The following PAG1 variants were observed in gnomAD, a reference collection of about 807,000 sequenced individuals.
PAG1 encodes the protein phosphoprotein membrane anchor with glycosphingolipid microdomains 1, also known as phosphoprotein associated with glycosphingolipid-enriched microdomains 1.
A neutral mutation model predicts 31.7 loss-of-function variants in PAG1; 23 were observed. The observed-to-expected ratio is 0.73, with a 90% confidence interval of 0.52 to 1.03. PAG1 has a LOEUF of 1.03. PAG1 is among the 50% of genes least tolerant of loss of function. PAG1 has a pLI of 0.00. For synonymous variants in PAG1, 214 were observed against 210.3 expected, an observed-to-expected ratio of 1.02 and a Z score of -0.15; for missense variants, 473 against 540.7, an observed-to-expected ratio of 0.87 and a Z score of 1.24.
chr8:81,109,182 T>G (rs182484925), intron 1 of PAG1, among the ~76,000 whole-genome samples: 293 of 152,376 alleles, frequency 1.9e-3, no homozygotes, highest in Middle Eastern at 0.01. Context: ...TTAGGAGGTA[T>G]GGAAGCATGG....
chr8:80,994,728 A>C (rs1022507748), intron 3 of PAG1, among the ~76,000 whole-genome samples: 1 of 152,212 alleles, frequency 6.6e-6, no homozygotes, highest in African/African-American at 2.4e-5. Context: ...TGTGTGAAAT[A>C]TTTTAAGAGC....
intron 1 of PAG1, among the ~76,000 whole-genome samples, chr8:81,093,497 C>A (rs1809480045): frequency 6.6e-6 from 1 of 152,060 alleles, no homozygotes; most frequent in Non-Finnish European, 1.5e-5. Context: ...CTTAAAATTG[C>A]AGTTAACTGT....
At chr8:81,061,686 G>A (rs1563647228) in intron 2 of PAG1, among the ~76,000 whole-genome samples, 1 of 152,110 alleles carries the variant, frequency 6.6e-6, no homozygotes, top group Non-Finnish European at 1.5e-5. Context: ...AAACAGATGG[G>A]GTCTTAGCAC....
Position 81,053,891 on chromosome 8 carries a change from C to G in PAG1, c.-175+16221G>C, listed in dbSNP as rs1273945611. Among the ~76,000 whole-genome samples the G allele has an allele frequency of 5.3e-5, 8 of 152,142 alleles. 1 individual carries two copies. The stretch of plus-strand genomic sequence containing the variant: ...TGAGCAAGATCAGGGTATGCGAATG[C>G]TTTCTGTAAAGGGCCAGAGAGTAAA... On this transcript the variant is annotated intron_variant, in intron 2 of 8. Coordinates refer to ENST00000220597, the MANE Select transcript of PAG1 (RefSeq NM_018440.4).
intron 1 of PAG1, among the ~76,000 whole-genome samples, chr8:81,083,838 C>CA (rs199816227): frequency 0.032 from 4,760 of 149,824 alleles, 257 homozygotes; most frequent in African/African-American, 0.11. Flanking sequence ...AGTTCAAGAT[C>CA]AGCCTGGCCA....
chr8:81,071,968 C>T (rs754797519), intron 1 of PAG1, among the ~76,000 whole-genome samples: 11 of 152,158 alleles, frequency 7.2e-5, no homozygotes, highest in Non-Finnish European at 1.0e-4. Flanking sequence ...CTGAGTCCTC[C>T]GTGCTTCTGC....
intron 3 of PAG1, among the ~76,000 whole-genome samples, chr8:81,002,368 T>C (rs1038878410): frequency 6.6e-6 from 1 of 152,272 alleles, no homozygotes; most frequent in African/African-American, 2.4e-5. Flanking sequence ...TTAGCACTTG[T>C]TTAGCCTGGG....
intron 3 of PAG1, among the ~76,000 whole-genome samples, chr8:81,001,500 G>C (rs1410762170): frequency 6.6e-6 from 1 of 152,174 alleles, no homozygotes; most frequent in Non-Finnish European, 1.5e-5. Context: ...GCCAGGGTAG[G>C]TTGGTCTCCA....
chr8:80,978,121 T>C (rs1371629797), intron 8 of PAG1, among the ~76,000 whole-genome samples: 1 of 152,136 alleles, frequency 6.6e-6, no homozygotes, highest in Non-Finnish European at 1.5e-5. Context: ...TGCTAACTGG[T>C]CATTTGCATG....
chr8:81,060,307 A>G (rs1479245059), intron 2 of PAG1, among the ~76,000 whole-genome samples: 2 of 152,230 alleles, frequency 1.3e-5, no homozygotes, highest in African/African-American at 4.8e-5. Context: ...ATGTGTAACT[A>G]TTAATTAGTA....
At chr8:81,014,181 T>A (rs1808033349) in intron 3 of PAG1, among the ~76,000 whole-genome samples, 1 of 152,156 alleles carries the variant, frequency 6.6e-6, no homozygotes, top group Non-Finnish European at 1.5e-5. Flanking sequence ...GTCATCAAAT[T>A]TAGAATATCA....
chr8:81,055,760 T>C (rs1808809427), intron 2 of PAG1, among the ~76,000 whole-genome samples: 1 of 152,226 alleles, frequency 6.6e-6, no homozygotes, highest in South Asian at 2.1e-4. Flanking sequence ...TCTCTGTTTG[T>C]CTGTTATTGG....
intron 2 of PAG1, among the ~76,000 whole-genome samples, chr8:81,046,023 T>C (rs1029674803): frequency 6.6e-6 from 1 of 152,208 alleles, no homozygotes; most frequent in Admixed American, 6.5e-5. Flanking sequence ...CTCTCCTCTT[T>C]TTCTCTGTGT....
intron 3 of PAG1, among the ~76,000 whole-genome samples, chr8:81,023,594 G>GGAGA (rs555613066): frequency 1.3e-5 from 2 of 150,714 alleles, no homozygotes; most frequent in African/African-American, 2.4e-5. Context: ...AACAATGTAA[G>GGAGA]GAGAGAGAGA....
chr8:80,968,995 T>C lies in PAG1; in HGVS notation c.*7549A>G, dbSNP rs1807021339. 1 of 152,172 alleles carries C rather than the reference T, an allele frequency of 6.6e-6. No individual in the cohort carries two copies. Among genetic ancestry groups the C allele is most frequent in the South Asian group, 2.1e-4 (1 of 4,834 alleles). The allele number at this position is 152,172 out of a possible 1,614,324, so 9.4% of individuals were successfully genotyped here. A position where few individuals can be genotyped will look rare whatever the true frequency, so the allele number is the denominator to read the frequency against. On this transcript the variant is annotated 3_prime_UTR_variant, in exon 9 of 9. Transcript: ENST00000220597. ...CTATACGGTTGATACTCGAAGCAAA[T>C]AAAAAGATAATTTTTAAAAAGTGTC...
At chr8:81,091,203 C>T (rs1441148370) in intron 1 of PAG1, among the ~76,000 whole-genome samples, 1 of 152,170 alleles carries the variant, frequency 6.6e-6, no homozygotes, top group Admixed American at 6.5e-5. Context: ...GCAAAGACTA[C>T]AGGAAGATGT....
rs749504516 is a variant in PAG1 at position 81,036,018 on chromosome 8, C to T, written c.-174-5929G>A. Among the ~76,000 whole-genome samples the T allele has an allele frequency of 9.2e-5, 14 of 152,120 alleles. 1 individual carries two copies. The highest frequency in any genetic ancestry group is 8.5e-4 in the Admixed American group (13 of 15,284). Reference sequence around the variant, plus strand: ...ATGATGCTGCTAAGCTTCATCTCTCCTTACTGTTCCTTTGCAATTTAACTG... The same window carrying T: ...ATGATGCTGCTAAGCTTCATCTCTCTTTACTGTTCCTTTGCAATTTAACTG... On this transcript the variant is annotated intron_variant, in intron 2 of 8. Coordinates refer to ENST00000220597, the MANE Select transcript of PAG1 (RefSeq NM_018440.4).
chr8:81,085,630 T>A (rs1809338748), intron 1 of PAG1, among the ~76,000 whole-genome samples: 1 of 152,162 alleles, frequency 6.6e-6, no homozygotes, highest in Non-Finnish European at 1.5e-5. Context: ...AATAGAGGAA[T>A]ATATAGGATT....
At chr8:81,093,004 G>C (rs1231895887) in intron 1 of PAG1, among the ~76,000 whole-genome samples, 2 of 152,194 alleles carry the variant, frequency 1.3e-5, no homozygotes, top group African/African-American at 4.8e-5. Flanking sequence ...TAGCAATTGT[G>C]AGGCCTTAAT....
Sources: gnomAD v4.1 joint callset for allele counts (sites outside exome capture counted in the v4.1 genomes callset) on GRCh38, gnomAD v4.1.1 for gene constraint, MANE v1.5 for transcripts, NCBI Gene and HGNC (gene_info 2026-07-23, HGNC 2026-07-21) for gene names.